KCNN2: variants seen among roughly 807,000 people sequenced by gnomAD.
KCNN2 encodes the protein small conductance calcium-activated potassium channel protein 2.
Under a neutral mutation model 55.5 loss-of-function variants are expected in KCNN2, and 24 were observed. That is an observed-to-expected ratio of 0.43 (90% CI 0.31 to 0.61). The LOEUF (loss-of-function observed/expected upper bound fraction) is 0.61. KCNN2 is among the 20% of genes least tolerant of loss of function. KCNN2 has a pLI of 0.08. For synonymous variants in KCNN2, 431 were observed against 336.1 expected (o/e 1.28, Z -3.09); for missense variants, 754 against 853.6 (o/e 0.88, Z 1.45).
intron 1 of KCNN2, among the ~76,000 whole-genome samples, chr5:114,077,171 C>T (rs897545337): frequency 1.3e-5 from 2 of 152,212 alleles, no homozygotes; most frequent in African/African-American, 4.8e-5. Flanking sequence ...ACTTGGCAGG[C>T]TCTGCAACGT....
At chr5:114,109,662 T>C (rs1470195898) in intron 1 of KCNN2, among the ~76,000 whole-genome samples, 1 of 152,070 alleles carries the variant, frequency 6.6e-6, no homozygotes, top group Non-Finnish European at 1.5e-5. Flanking sequence ...GTTACATGTG[T>C]TCCTTCATGT....
intron 1 of KCNN2, among the ~76,000 whole-genome samples, chr5:114,141,455 A>G (rs1479592217): frequency 1.3e-5 from 2 of 152,136 alleles, no homozygotes; most frequent in African/African-American, 4.8e-5. Flanking sequence ...TACAAAGGAC[A>G]TGAACTCATC....
At chr5:114,156,865 T>A (rs116194663) in intron 1 of KCNN2, among the ~76,000 whole-genome samples, 1 of 152,062 alleles carries the variant, frequency 6.6e-6, no homozygotes, top group African/African-American at 2.4e-5. Context: ...TTTCTAAAGG[T>A]AAGACTTTGC....
chr5:114,266,307 T>C (rs950663546), intron 2 of KCNN2, among the ~76,000 whole-genome samples: 44 of 152,156 alleles, frequency 2.9e-4, no homozygotes, highest in African/African-American at 9.9e-4. Flanking sequence ...CACAAGTGTC[T>C]GTTGTAGAAT....
At chr5:114,170,988 G>T (rs896341979) in intron 1 of KCNN2, among the ~76,000 whole-genome samples, 1 of 151,916 alleles carries the variant, frequency 6.6e-6, no homozygotes, top group Non-Finnish European at 1.5e-5. Flanking sequence ...TTTGGCTTCA[G>T]TCTGGGAGGC....
chr5:114,432,299 T>C (rs570781194), intron 3 of KCNN2, among the ~76,000 whole-genome samples: 5 of 152,362 alleles, frequency 3.3e-5, no homozygotes, highest in East Asian at 1.9e-4. Flanking sequence ...CCTTGGAAGA[T>C]TGACCTTTTA....
intron 2 of KCNN2, among the ~76,000 whole-genome samples, chr5:114,241,441 G>A (rs768362342): frequency 2.0e-4 from 31 of 151,532 alleles, no homozygotes; most frequent in Non-Finnish European, 4.4e-4. Flanking sequence ...CTGTCTTCAG[G>A]AGAATCTAAA....
At chr5:114,085,334 G>T (rs80353180) in intron 1 of KCNN2, among the ~76,000 whole-genome samples, 21,863 of 151,758 alleles carry the variant, frequency 0.14, 1,776 homozygotes, top group South Asian at 0.27. Flanking sequence ...ATAATAATGA[G>T]TCTCTCAATT....
At chr5:114,489,842 A>T (rs1186004097) in intron 6 of KCNN2, among the ~76,000 whole-genome samples, 1 of 152,182 alleles carries the variant, frequency 6.6e-6, no homozygotes. Flanking sequence ...ACTGGGTACA[A>T]TCAGACCTTA....
At position 114,095,860 on chromosome 5, in the gene KCNN2, G is replaced by A. The variant is rs528876811; in HGVS notation, c.-271+39360G>A. On this transcript the variant is annotated intron_variant, in intron 1 of 10. Transcript: ENST00000512097. ...CATATATGCACCTGCTGTATCCTTT[G>A]TACACTGTGCTGAGAATAGTCCAGT... 2.0e-4 allele frequency among the ~76,000 whole-genome samples: 31 copies of A among 151,896 alleles called. 1 individual carries two copies. The South Asian group carries it at 5.4e-3, about 27-fold the overall frequency.
intron 1 of KCNN2, among the ~76,000 whole-genome samples, chr5:114,137,255 C>G (rs1434768877): frequency 6.6e-6 from 1 of 152,108 alleles, no homozygotes; most frequent in Non-Finnish European, 1.5e-5. Flanking sequence ...TTGCAGTACA[C>G]TCTATTTTAA....
At chr5:114,248,683 A>G (rs1267690812) in intron 2 of KCNN2, among the ~76,000 whole-genome samples, 1 of 152,208 alleles carries the variant, frequency 6.6e-6, no homozygotes, top group Non-Finnish European at 1.5e-5. Flanking sequence ...TTGAAATTAA[A>G]CTCAAGCAAC....
chr5:114,080,897 G>T (rs1386109567), intron 1 of KCNN2, among the ~76,000 whole-genome samples: 1 of 152,086 alleles, frequency 6.6e-6, no homozygotes, highest in Non-Finnish European at 1.5e-5. Flanking sequence ...AATTATCTCT[G>T]TTCAGAGATG....
chr5:114,358,071 T>C (rs1757331549), upstream of KCNN2, among the ~76,000 whole-genome samples: 1 of 151,796 alleles, frequency 6.6e-6, no homozygotes, highest in Non-Finnish European at 1.5e-5. Flanking sequence ...CATTTTTTCA[T>C]GTGTTTTTTG....
intron 1 of KCNN2, among the ~76,000 whole-genome samples, chr5:114,105,141 A>G (rs1025878067): frequency 4.6e-5 from 7 of 152,136 alleles, no homozygotes; most frequent in Non-Finnish European, 5.9e-5. Context: ...CCTAGACTGG[A>G]GCTTGGCAGT....
In KCNN2 at chr5:114,160,283, G is replaced by T. The variant is rs530841387; in HGVS notation, c.-270-61197G>T. On this transcript the variant is annotated intron_variant, in intron 1 of 10. Coordinates refer to the KCNN2 transcript ENST00000512097. ...TGTACGCCATAGTCGTTCAGGAGCA[G>T]GTTGTTCAGTTTCCATGTAGTTGAG... is the stretch of plus-strand genomic sequence containing the variant. Among the ~76,000 whole-genome samples the T allele has an allele frequency of 2.0e-4, 31 of 152,266 alleles. No homozygotes were observed. In the South Asian group the frequency reaches 5.2e-3, roughly 25 times the overall value.
At chr5:114,494,166 C>CCTGGGTGAA (rs976042705) in intron 7 of KCNN2, among the ~76,000 whole-genome samples, 1 of 151,742 alleles carries the variant, frequency 6.6e-6, no homozygotes, top group African/African-American at 2.4e-5. Flanking sequence ...TGGGTGAATT[C>CCTGGGTGAA]TAAAGGTGGT....
At chr5:114,444,272 T>C (rs1376074072) in intron 3 of KCNN2, among the ~76,000 whole-genome samples, 1 of 152,014 alleles carries the variant, frequency 6.6e-6, no homozygotes, top group African/African-American at 2.4e-5. Context: ...CCAGGTGCCA[T>C]GGACCATACA....
intron 2 of KCNN2, among the ~76,000 whole-genome samples, chr5:114,277,934 T>G (rs957133132): frequency 6.6e-6 from 1 of 152,154 alleles, no homozygotes. Flanking sequence ...GTTTTTGGAA[T>G]TTTCAGCCTT....
Sources: gnomAD v4.1 joint callset for allele counts (sites outside exome capture counted in the v4.1 genomes callset) on GRCh38, gnomAD v4.1.1 for gene constraint, MANE v1.5 for transcripts, NCBI Gene and HGNC (gene_info 2026-07-23, HGNC 2026-07-21) for gene names.